Variants in DCC observed in about 807,000 individuals in gnomAD.
DCC encodes netrin receptor DCC.
A neutral mutation model predicts 172.5 loss-of-function variants in DCC; 58 were observed. That is an observed-to-expected ratio of 0.34 (90% CI 0.27 to 0.42). The LOEUF (loss-of-function observed/expected upper bound fraction) is 0.42, where lower values mean the gene tolerates loss of function less well. DCC is among the 10% of genes least tolerant of loss of function. The probability of loss-of-function intolerance (pLI) is 1.00; values close to 1 mark genes in which losing one functional copy is unlikely to be tolerated. For synonymous variants in DCC, 709 were observed against 644.5 expected (o/e 1.10, Z -1.52); for missense variants, 1,740 against 1,791.0 (o/e 0.97, Z 0.51).
At chr18:52,675,611 T>G (rs961514906) in intron 1 of DCC, among the ~76,000 whole-genome samples, 2 of 152,290 alleles carry the variant, frequency 1.3e-5, no homozygotes, top group African/African-American at 4.8e-5. Context: ...TCCCTCATAT[T>G]TGGCTCAGGA....
intron 7 of DCC, among the ~76,000 whole-genome samples, chr18:53,145,646 G>C (rs1364244789): frequency 6.6e-6 from 1 of 152,164 alleles, no homozygotes; most frequent in Non-Finnish European, 1.5e-5. Context: ...TAGCAGCCCA[G>C]GTGGATTAAG....
intron 5 of DCC, among the ~76,000 whole-genome samples, chr18:52,955,310 G>T (rs2040724235): frequency 6.6e-6 from 1 of 151,870 alleles, no homozygotes; most frequent in South Asian, 2.1e-4. Context: ...ACATCATACA[G>T]TATGTAGCCT....
At chr18:53,293,103 A>G (rs2144753770) in intron 12 of DCC, among the ~76,000 whole-genome samples, 1 of 152,332 alleles carries the variant, frequency 6.6e-6, no homozygotes, top group South Asian at 2.1e-4. Flanking sequence ...CTAGGGAGAG[A>G]TAATGTTGTA....
rs547819115 is a variant in DCC at position 53,179,255 on chromosome 18, C to CGAG, written c.1573+142_1573+144dup. ...TTCTTCTAAGTAAACTTATATAACT[C>CGAG]GAGGACTTTTAAAAGATAACTTGTA... On this transcript the variant is annotated intron_variant, in intron 9 of 28. Transcript: ENST00000442544. The CGAG allele has an allele frequency of 8.2e-5, 69 of 841,110 alleles. No homozygotes were observed. The East Asian group carries it at 1.8e-3, about 22-fold the overall frequency. 52.1% of individuals were successfully genotyped at this position (841,110 alleles called of 1,614,324 possible).
chr18:52,975,028 C>T (rs577238126), intron 5 of DCC, among the ~76,000 whole-genome samples: 142 of 152,282 alleles, frequency 9.3e-4, no homozygotes, highest in African/African-American at 3.2e-3. Flanking sequence ...AAACAGAGGA[C>T]GGACCTTGTT....
intron 2 of DCC, among the ~76,000 whole-genome samples, chr18:52,889,733 C>A (rs2039621483): frequency 6.6e-6 from 1 of 152,064 alleles, no homozygotes; most frequent in African/African-American, 2.4e-5. Flanking sequence ...GTTTTAAATT[C>A]TGAATTACCA....
chr18:53,468,691 T>G (rs2045658057), intron 25 of DCC, among the ~76,000 whole-genome samples: 1 of 152,132 alleles, frequency 6.6e-6, no homozygotes, highest in Admixed American at 6.6e-5. Flanking sequence ...CCTCCATAGC[T>G]TTTTAAATAA....
intron 22 of DCC, among the ~76,000 whole-genome samples, chr18:53,441,023 C>A (rs1912239258): frequency 6.6e-6 from 1 of 152,200 alleles, no homozygotes; most frequent in South Asian, 2.1e-4. Flanking sequence ...CATCTCTGGC[C>A]TTTACCCACT....
intron 15 of DCC, among the ~76,000 whole-genome samples, chr18:53,373,820 G>T (rs1178527703): frequency 1.3e-5 from 2 of 152,142 alleles, no homozygotes; most frequent in East Asian, 3.8e-4. Context: ...GAGAGAAATT[G>T]ATTAGGTCAT....
chr18:53,264,530 C>T lies in DCC; in HGVS notation c.1912-41048C>T, dbSNP rs562066817. ...AGAAGAAAGAAACACAGTGGTACCT[C>T]CTAGGCAATCCCCATGCAATGCTCT... is the stretch of plus-strand genomic sequence containing the variant. On this transcript the variant is annotated intron_variant, in intron 12 of 28. Transcript: ENST00000442544. Among the ~76,000 whole-genome samples the T allele has an allele frequency of 5.3e-5, 8 of 151,562 alleles. No individual in the cohort carries two copies. In the South Asian group the frequency reaches 1.7e-3, roughly 32 times the overall value.
chr18:52,512,113 G>T (rs1173430057), intron 1 of DCC, among the ~76,000 whole-genome samples: 1 of 152,132 alleles, frequency 6.6e-6, no homozygotes, highest in Non-Finnish European at 1.5e-5. Context: ...ATCTTAGTGA[G>T]GAGACTGAGC....
chr18:53,301,439 A>C (rs11082976), intron 12 of DCC, among the ~76,000 whole-genome samples: 114,923 of 149,552 alleles, frequency 0.77, 44,116 homozygotes, highest in Non-Finnish European at 0.83. Flanking sequence ...CACCTCAAAA[A>C]AAAAAAACAA....
intron 1 of DCC, among the ~76,000 whole-genome samples, chr18:52,467,015 G>T (rs994370333): frequency 2.0e-5 from 3 of 150,090 alleles, no homozygotes; most frequent in African/African-American, 7.4e-5. Flanking sequence ...CTCTTTGTGT[G>T]GTTCTTCTTG....
At chr18:52,716,261 G>T (rs1047102300) in intron 1 of DCC, among the ~76,000 whole-genome samples, 1 of 152,206 alleles carries the variant, frequency 6.6e-6, no homozygotes. Context: ...AATCTGGCAC[G>T]TTGGCGGTTT....
At chr18:53,227,211 G>T (rs1479382386) in intron 12 of DCC, among the ~76,000 whole-genome samples, 3 of 151,704 alleles carry the variant, frequency 2.0e-5, no homozygotes, top group Non-Finnish European at 4.4e-5. Context: ...CTCCCATAGT[G>T]CTGGGATTAC....
chr18:52,627,384 G>A (rs2034594289), intron 1 of DCC, among the ~76,000 whole-genome samples: 1 of 152,172 alleles, frequency 6.6e-6, no homozygotes, highest in South Asian at 2.1e-4. Context: ...CCTGTGCACT[G>A]TTAGGGATGT....
chr18:52,961,299 TAAAATA>T (rs2040839076), intron 5 of DCC, among the ~76,000 whole-genome samples: 1 of 150,402 alleles, frequency 6.6e-6, no homozygotes, highest in Admixed American at 6.6e-5. Context: ...AATAAAAATA[TAAAATA>T]AAAATAAAAT....
At chr18:52,628,565 AG>A (rs1342733983) in intron 1 of DCC, among the ~76,000 whole-genome samples, 2 of 152,170 alleles carry the variant, frequency 1.3e-5, no homozygotes, top group Non-Finnish European at 2.9e-5. Flanking sequence ...CTGGGCTTGT[AG>A]GTCAATTATA....
At chr18:53,055,467 A>G (rs1356990027) in intron 5 of DCC, among the ~76,000 whole-genome samples, 3 of 152,134 alleles carry the variant, frequency 2.0e-5, no homozygotes, top group African/African-American at 7.2e-5. Context: ...GGAATAGAAA[A>G]TGCTTAGAAT....
Sources: gnomAD v4.1 joint callset for allele counts (sites outside exome capture counted in the v4.1 genomes callset) on GRCh38, gnomAD v4.1.1 for gene constraint, MANE v1.5 for transcripts, NCBI Gene and HGNC (gene_info 2026-07-23, HGNC 2026-07-21) for gene names.